Variants in PXDNL observed in about 807,000 individuals in gnomAD.
PXDNL encodes the protein probable oxidoreductase PXDNL.
A neutral mutation model predicts 150.8 loss-of-function variants in PXDNL; 145 were observed. The ratio of observed to expected loss-of-function variants is 0.96; its 90% confidence interval spans 0.84 to 1.10. The LOEUF is 1.10. Among genes scored for constraint, PXDNL ranks in the 50% least tolerant of loss-of-function variants. The probability of loss-of-function intolerance (pLI) is 0.00; values close to 1 mark genes in which losing one functional copy is unlikely to be tolerated. For missense variants in PXDNL, 2,087 were observed against 1,873.9 expected (o/e 1.11, Z -2.10); for synonymous variants, 757 against 725.7 (o/e 1.04, Z -0.69).
intron 1 of PXDNL, among the ~76,000 whole-genome samples, chr8:51,735,811 G>T (rs1230808699): frequency 1.3e-5 from 2 of 151,854 alleles, no homozygotes; most frequent in South Asian, 2.1e-4. Flanking sequence ...CTCCCAAAGT[G>T]CTGGGATTAC....
chr8:51,605,557 C>T (rs1164200451), intron 2 of PXDNL, among the ~76,000 whole-genome samples: 2 of 152,012 alleles, frequency 1.3e-5, no homozygotes, highest in Admixed American at 1.3e-4. Context: ...TTGCTAAATA[C>T]ATTTTAAAAT....
intron 4 of PXDNL, among the ~76,000 whole-genome samples, chr8:51,525,120 T>TAAA (rs112492123): frequency 1.5e-4 from 22 of 148,592 alleles, no homozygotes; most frequent in African/African-American, 5.4e-4. Context: ...CACCTTTATT[T>TAAA]AAAAAAAAAA....
intron 4 of PXDNL, among the ~76,000 whole-genome samples, chr8:51,501,078 T>A (rs187344371): frequency 1.1e-4 from 17 of 152,252 alleles, no homozygotes. Flanking sequence ...TTAGGTTGGA[T>A]CCAGAAGCAG....
intron 2 of PXDNL, among the ~76,000 whole-genome samples, chr8:51,649,571 C>A (rs546846664): frequency 6.6e-6 from 1 of 152,212 alleles, no homozygotes; most frequent in East Asian, 1.9e-4. Flanking sequence ...TACCACAACA[C>A]TTCACACATA....
intron 1 of PXDNL, among the ~76,000 whole-genome samples, chr8:51,665,310 A>G (rs532815111): frequency 1.3e-5 from 2 of 152,158 alleles, no homozygotes; most frequent in Admixed American, 1.3e-4. Context: ...ACAGGCCCAC[A>G]CTCTCAGGAC....
chr8:51,769,961 G>A lies in PXDNL; in HGVS notation c.164+39220C>T, dbSNP rs566274910. ...TCCAATGGGTGACTTTTTGAGGTCA[G>A]AGGGCCAAAATCTCCACCCTCAGAT... On this transcript the variant is annotated intron_variant, in intron 1 of 22. Coordinates refer to ENST00000356297, the MANE Select transcript of PXDNL (RefSeq NM_144651.5). 6.7e-4 allele frequency among the ~76,000 whole-genome samples: 102 copies of A among 152,296 alleles called. 2 individuals carry two copies. The South Asian group carries it at 0.012, about 18-fold the overall frequency.
intron 4 of PXDNL, among the ~76,000 whole-genome samples, chr8:51,502,209 ATAAAG>A (rs1339631921): frequency 6.6e-6 from 1 of 152,234 alleles, no homozygotes; most frequent in Non-Finnish European, 1.5e-5. Flanking sequence ...TGGTACAGAG[ATAAAG>A]TAATTTGTTC....
At chr8:51,781,067 G>A (rs1003018766) in intron 1 of PXDNL, among the ~76,000 whole-genome samples, 6 of 152,156 alleles carry the variant, frequency 3.9e-5, no homozygotes, top group Middle Eastern at 3.4e-3. Context: ...AGGACCTGCC[G>A]ATACTAACAC....
intron 19 of PXDNL, among the ~76,000 whole-genome samples, chr8:51,366,246 CTG>C (rs1326690363): frequency 6.6e-6 from 1 of 152,204 alleles, no homozygotes; most frequent in Non-Finnish European, 1.5e-5. Context: ...TAATCAACTC[CTG>C]TGTCAGCTGA....
At chr8:51,465,264 CAT>C (rs1167748642) in intron 8 of PXDNL, among the ~76,000 whole-genome samples, 7 of 152,154 alleles carry the variant, frequency 4.6e-5, no homozygotes, top group African/African-American at 1.7e-4. Context: ...CAAATCAATA[CAT>C]GTCATTCACC....
At chr8:51,392,101 TCTGTTTTGGTACCAGTACCATG>T (rs1345209750) in intron 17 of PXDNL, among the ~76,000 whole-genome samples, 1 of 152,198 alleles carries the variant, frequency 6.6e-6, no homozygotes, top group Admixed American at 6.5e-5. Context: ...GATCTATATC[TCTGTTTTGGTACCAGTACCATG>T]CTGTTTTGGT....
At chr8:51,637,260 G>A (rs756022579) in intron 2 of PXDNL, among the ~76,000 whole-genome samples, 68 of 152,120 alleles carry the variant, frequency 4.5e-4, no homozygotes, top group Admixed American at 8.5e-4. Context: ...AAAAAACAGA[G>A]CAGAAAAGCT....
At chr8:51,761,605 T>A (rs2037167257) in intron 1 of PXDNL, among the ~76,000 whole-genome samples, 1 of 152,216 alleles carries the variant, frequency 6.6e-6, no homozygotes, top group African/African-American at 2.4e-5. Flanking sequence ...TCTTAATAGA[T>A]TTGCTCATGT....
At chr8:51,469,716 T>C (rs905709145) in intron 8 of PXDNL, among the ~76,000 whole-genome samples, 5 of 152,100 alleles carry the variant, frequency 3.3e-5, no homozygotes, top group Admixed American at 6.5e-5. Flanking sequence ...AGATGTTTGT[T>C]TAAAATAATT....
At chr8:51,580,814 G>A (rs535021136) in intron 3 of PXDNL, among the ~76,000 whole-genome samples, 1 of 152,264 alleles carries the variant, frequency 6.6e-6, no homozygotes, top group East Asian at 1.9e-4. Context: ...TCACATGTGA[G>A]AAATAACTCT....
intron 4 of PXDNL, among the ~76,000 whole-genome samples, chr8:51,542,509 A>G (rs76147155): frequency 0.021 from 3,045 of 143,372 alleles, 44 homozygotes; most frequent in African/African-American, 0.041. Flanking sequence ...AAAAAAAAAA[A>G]AGAGAGAGAG....
intron 1 of PXDNL, among the ~76,000 whole-genome samples, chr8:51,759,456 T>G (rs1023644651): frequency 6.6e-6 from 1 of 152,192 alleles, no homozygotes; most frequent in Non-Finnish European, 1.5e-5. Flanking sequence ...TTCTCTTGAT[T>G]ATCTATGTCC....
chr8:51,513,585 G>A (rs1034521115), intron 4 of PXDNL, among the ~76,000 whole-genome samples: 5 of 152,200 alleles, frequency 3.3e-5, no homozygotes, highest in Non-Finnish European at 7.4e-5. Context: ...AGAAAAATTA[G>A]CATTGGTCAC....
chr8:51,408,738 G>C lies in PXDNL; in HGVS notation c.2886C>G (p.Asn962Lys), dbSNP rs752040542. The change falls in exon 17 of 23, where the codon AAC becomes AAG. Residue 962 changes from asparagine (N) to lysine (K), a missense_variant. Coordinates refer to ENST00000356297, the MANE Select transcript of PXDNL (RefSeq NM_144651.5). ...GCATGGCGGCCAGAGCCAGATGCTC[G>C]TTGGCCCGGTGGTCCCCGGCCAGGA... is the stretch of plus-strand genomic sequence containing the variant. ...PCFLAGDHRA[N>K]EHLALAAMHT... is the part of the protein sequence containing the mutation. 1 of 1,588,462 alleles carries C rather than the reference G, an allele frequency of 6.3e-7. No homozygotes were observed. The highest frequency in any genetic ancestry group is 8.6e-7 in the Non-Finnish European group (1 of 1,167,424).
Sources: allele counts gnomAD v4.1 joint callset (sites outside exome capture counted in the v4.1 genomes callset), GRCh38; gene constraint gnomAD v4.1.1; transcripts MANE v1.5; gene names NCBI Gene and HGNC (gene_info 2026-07-23, HGNC 2026-07-21).